The following ZNF560 variants were observed in gnomAD, a reference collection of about 807,000 sequenced individuals.
ZNF560 encodes the protein zinc finger protein 560.
In ZNF560, 54 loss-of-function variants were observed where a neutral mutation model predicts 81.8. The observed-to-expected ratio is 0.66, with a 90% CI of 0.53 to 0.83. ZNF560 has a LOEUF of 0.83. ZNF560 is among the 40% of genes least tolerant of loss of function. The pLI, the probability that ZNF560 is intolerant of heterozygous loss-of-function variation, is 0.00. For missense variants in ZNF560, 940 were observed against 932.4 expected (o/e 1.01, Z -0.11); for synonymous variants, 321 against 317.9 (o/e 1.01, Z -0.10).
chr19:9,453,775 G>A, the ZNF560 span, among the ~76,000 whole-genome samples: 1 of 152,164 alleles, frequency 6.6e-6, no homozygotes, highest in Non-Finnish European at 1.5e-5. Flanking sequence ...TCCAGATTCA[G>A]CTGATTCTGC....
downstream of ZNF560, among the ~76,000 whole-genome samples, chr19:9,463,394 C>A (rs921892298): frequency 6.6e-6 from 1 of 152,140 alleles, no homozygotes; most frequent in Non-Finnish European, 1.5e-5. Flanking sequence ...ATTGACCTCA[C>A]CTGTGACCCA....
downstream of ZNF560, among the ~76,000 whole-genome samples, chr19:9,465,734 T>C (rs893183184): frequency 2.0e-5 from 3 of 152,214 alleles, no homozygotes; most frequent in African/African-American, 4.8e-5. Flanking sequence ...GGCTCACACC[T>C]GTAATTCTAC....
At chr19:9,482,958 C>G (rs2073316331) in intron 2 of ZNF560, among the ~76,000 whole-genome samples, 1 of 152,246 alleles carries the variant, frequency 6.6e-6, no homozygotes, top group Non-Finnish European at 1.5e-5. Context: ...GTCTCGTTCA[C>G]TCAGTGCTCA....
Position 9,490,508 on chromosome 19 carries a change from A to C in ZNF560, c.-57+7620T>G, listed in dbSNP as rs79690496. ...GCATGAAACAGATAAGAACCCTACT[A>C]TAACAGGGATTAATAAATCTTGTTG... On this transcript the variant is annotated intron_variant, in intron 2 of 9. Transcript: ENST00000301480. Among the ~76,000 whole-genome samples the C allele has an allele frequency of 2.5e-3, 387 of 152,372 alleles. 2 individuals carry two copies. The highest frequency in any genetic ancestry group is 9.1e-3 in the African/African-American group (377 of 41,592).
At chr19:9,451,170 C>T in the ZNF560 span, among the ~76,000 whole-genome samples, 1 of 152,116 alleles carries the variant, frequency 6.6e-6, no homozygotes, top group African/African-American at 2.4e-5. Context: ...ATAGCCAAAG[C>T]AATCCTATGC....
intron 2 of ZNF560, among the ~76,000 whole-genome samples, chr19:9,481,984 T>C (rs770597095): frequency 7.9e-5 from 12 of 152,250 alleles, no homozygotes; most frequent in Non-Finnish European, 1.0e-4. Flanking sequence ...TGTATGTTTA[T>C]TGCGGCACTA....
chr19:9,471,660 T>C (rs2073124811), intron 5 of ZNF560, among the ~76,000 whole-genome samples: 1 of 152,206 alleles, frequency 6.6e-6, no homozygotes, highest in African/African-American at 2.4e-5. Context: ...GCCAAAGCCA[T>C]ATTTCAAAGC....
downstream of ZNF560, among the ~76,000 whole-genome samples, chr19:9,464,409 G>C (rs1160764284): frequency 1.3e-5 from 2 of 152,162 alleles, no homozygotes; most frequent in African/African-American, 4.8e-5. Flanking sequence ...GATAGTACAA[G>C]AGTTCCCACC....
At position 9,467,450 on chromosome 19, in the gene ZNF560, A is replaced by G. The variant is rs1376089321; in HGVS notation, c.1497T>C (p.Ser499=). The change falls in exon 10 of 10, where the codon TCT becomes TCC. Residue 499 remains serine, a synonymous_variant. Transcript: ENST00000301480. ...TCAAATGAGCAAAAAGAGATGAGAA[A>G]GAAACAAAGACTTTCCCACACTGGT... ...DCDQCGKVFV[S]FSSLFAHLRT... 6.2e-7 allele frequency: 1 copy of G among 1,613,950 alleles called. No homozygotes were observed. The highest frequency in any genetic ancestry group is 8.5e-7 in the Non-Finnish European group (1 of 1,179,980).
At chr19:9,487,841 G>T (rs1344221215) in intron 2 of ZNF560, among the ~76,000 whole-genome samples, 1 of 152,200 alleles carries the variant, frequency 6.6e-6, no homozygotes, top group African/African-American at 2.4e-5. Flanking sequence ...GAGGCATCAA[G>T]AAAATATGAA....
At chr19:9,450,424 AT>A in the ZNF560 span, among the ~76,000 whole-genome samples, 1 of 152,246 alleles carries the variant, frequency 6.6e-6, no homozygotes, top group Non-Finnish European at 1.5e-5. Flanking sequence ...CACTGATGAT[AT>A]GAGTCTGTAC....
chr19:9,462,176 A>C (rs1434270679), downstream of ZNF560, among the ~76,000 whole-genome samples: 1 of 152,214 alleles, frequency 6.6e-6, no homozygotes, highest in Non-Finnish European at 1.5e-5. Context: ...AGTCATAAAC[A>C]AGATCTCTGC....
At position 9,467,116 on chromosome 19, in the gene ZNF560, C is replaced by G; in HGVS notation, c.1831G>C (p.Glu611Gln). ...ECKKCGKAFT[E>Q]RSDLTKHLRR... ...AAATGTTTAGTAAGATCTGAGCGTTCTGTGAAGGCTTTTCCACATTTCTTA... is the reference window on the plus strand; with the variant it reads ...AAATGTTTAGTAAGATCTGAGCGTTGTGTGAAGGCTTTTCCACATTTCTTA... The change falls in exon 10 of 10, where the codon GAA becomes CAA. Residue 611 changes from glutamate to glutamine, a missense_variant. Glu to Gln is a conservative substitution (Grantham distance 29). Transcript: ENST00000301480. 6.2e-7 allele frequency: 1 copy of G among 1,613,872 alleles called. No individual in the cohort carries two copies.
chr19:9,451,945 G>A, the ZNF560 span, among the ~76,000 whole-genome samples: 12 of 152,094 alleles, frequency 7.9e-5, no homozygotes, highest in South Asian at 1.2e-3. Flanking sequence ...GCATGGTGGC[G>A]AACATCTGTA....
At chr19:9,449,330 A>G in the ZNF560 span, among the ~76,000 whole-genome samples, 2 of 152,190 alleles carry the variant, frequency 1.3e-5, no homozygotes, top group African/African-American at 4.8e-5. Flanking sequence ...AATAAAAATA[A>G]AGATCAATAC....
the ZNF560 span, among the ~76,000 whole-genome samples, chr19:9,461,151 A>G: frequency 1.3e-5 from 2 of 152,232 alleles, no homozygotes; most frequent in Admixed American, 6.5e-5. Context: ...TGCCATCACA[A>G]TATAATCCTA....
chr19:9,449,970 G>A, the ZNF560 span, among the ~76,000 whole-genome samples: 2 of 55,174 alleles, frequency 3.6e-5, no homozygotes, highest in African/African-American at 2.2e-4. Flanking sequence ...GCAAAACTCT[G>A]TCTCAAAAAA....
Position 9,467,189 on chromosome 19 carries a change from G to A in ZNF560, c.1758C>T (p.Tyr586=). Residue 586 remains tyrosine, a synonymous_variant, in exon 10 of 10, where the codon TAC becomes TAT. Transcript: ENST00000301480. ...KCGKAFTERS[Y]LTKHLRRHSG... is the part of the protein sequence containing the mutation. The stretch of plus-strand genomic sequence containing the variant: ...TGTGTCTTCGTAAATGTTTAGTAAG[G>A]TATGAGCGCTCAGTGAAGGCTTTCC... 1 of 1,613,284 alleles carries A rather than the reference G, an allele frequency of 6.2e-7. No individual in the cohort carries two copies. The highest frequency in any genetic ancestry group is 8.5e-7 in the Non-Finnish European group (1 of 1,179,792).
chr19:9,484,785 AAAATAAGT>A (rs2073358766), intron 2 of ZNF560, among the ~76,000 whole-genome samples: 1 of 151,780 alleles, frequency 6.6e-6, no homozygotes, highest in South Asian at 2.1e-4. Flanking sequence ...TCCATCTCAA[AAAATAAGT>A]AAATAAGTAA....
Sources: allele counts gnomAD v4.1 joint callset (sites outside exome capture counted in the v4.1 genomes callset), GRCh38; gene constraint gnomAD v4.1.1; transcripts MANE v1.5; gene names NCBI Gene and HGNC (gene_info 2026-07-23, HGNC 2026-07-21).